EML6: variants seen among roughly 807,000 people sequenced by gnomAD.
EML6 encodes echinoderm microtubule-associated protein-like 6.
In EML6, 154 loss-of-function variants were observed where a neutral mutation model predicts 240.1. The observed-to-expected ratio is 0.64, with a 90% CI of 0.56 to 0.73. The LOEUF (loss-of-function observed/expected upper bound fraction) is 0.73, where lower values mean the gene tolerates loss of function less well. Ranked by LOEUF, EML6 falls within the 30% of genes least tolerant of loss-of-function variation. EML6 has a pLI of 0.00. For missense variants in EML6, 2,964 were observed against 2,474.6 expected (o/e 1.20, Z -4.20); for synonymous variants, 1,148 against 899.0 (o/e 1.28, Z -4.95).
intron 4 of EML6, among the ~76,000 whole-genome samples, chr2:54,818,051 ATC>A (rs1433474239): frequency 6.6e-6 from 1 of 152,132 alleles, no homozygotes; most frequent in African/African-American, 2.4e-5. Flanking sequence ...ATAATATTTT[ATC>A]TGAGTTACTC....
Position 54,950,728 on chromosome 2 carries a change from G to A in EML6, c.4162G>A (p.Asp1388Asn). 6.4e-7 allele frequency: 1 copy of A among 1,551,654 alleles called. No individual in the cohort carries two copies. The highest frequency in any genetic ancestry group is 8.7e-7 in the Non-Finnish European group (1 of 1,146,988). Residue 1388 changes from aspartate (D) to asparagine (N), a missense_variant, in exon 30 of 42, where the codon GAC becomes AAC. Transcript: ENST00000356458. The stretch of plus-strand genomic sequence containing the variant: ...CCTGCATTACCTTAATGATGGCGCT[G>A]ACATCATCTTCCACACAGCAGCGGC... ...NNLHYLNDGA[D>N]IIFHTAAAGI...
chr2:54,956,715 A>G (rs1676251228), intron 32 of EML6, among the ~76,000 whole-genome samples: 2 of 152,192 alleles, frequency 1.3e-5, no homozygotes, highest in African/African-American at 4.8e-5. Flanking sequence ...AAAACCCACC[A>G]CCATCATGGT....
intron 38 of EML6, among the ~76,000 whole-genome samples, chr2:54,965,787 G>A (rs955759420): frequency 6.6e-6 from 1 of 152,210 alleles, no homozygotes; most frequent in African/African-American, 2.4e-5. Flanking sequence ...GGAGCAGTTT[G>A]AGGGTCAGAA....
chr2:54,951,367 T>C (rs1291136856), intron 30 of EML6, among the ~76,000 whole-genome samples: 1 of 152,036 alleles, frequency 6.6e-6, no homozygotes, highest in African/African-American at 2.4e-5. Context: ...ACCCCATCTC[T>C]ACTAAAAATA....
In EML6 at chr2:54,892,464, C is replaced by T; in HGVS notation, c.2550C>T (p.Phe850=). 1 of 1,550,946 alleles carries T rather than the reference C, an allele frequency of 6.4e-7. No individual in the cohort carries two copies. ...CTTGGTCCACTCTAGGTGGGGGCTT[C>T]ACTTCTAAAAGAGGAACTTTTGGAA... ...IKFWQQAGGG[F]TSKRGTFGSV... Residue 850 remains phenylalanine, a synonymous_variant, in exon 19 of 42, where the codon TTC becomes TTT. Coordinates refer to ENST00000356458, the MANE Select transcript of EML6 (RefSeq NM_001039753.4).
intron 2 of EML6, among the ~76,000 whole-genome samples, chr2:54,778,790 G>T (rs1321734535): frequency 6.6e-6 from 1 of 151,012 alleles, no homozygotes; most frequent in South Asian, 2.1e-4. Flanking sequence ...TACTCGGGAG[G>T]CTGAGGCAGG....
At chr2:54,961,893 A>G (rs1021821387) in intron 35 of EML6, among the ~76,000 whole-genome samples, 3 of 151,466 alleles carry the variant, frequency 2.0e-5, no homozygotes, top group African/African-American at 7.3e-5. Flanking sequence ...AGTCCTAGCT[A>G]CTGGGGAGGC....
intron 17 of EML6, 113 bp from the exon 18 acceptor site, chr2:54,890,941 T>G (rs6729866): frequency 0.39 from 185,013 of 479,794 alleles, 37,785 homozygotes; most frequent in Middle Eastern, 0.5. Context: ...AACCATTTTC[T>G]AATTTAATGG....
chr2:54,925,122 G>A (rs1254123709), intron 26 of EML6, among the ~76,000 whole-genome samples: 1 of 152,082 alleles, frequency 6.6e-6, no homozygotes, highest in African/African-American at 2.4e-5. Flanking sequence ...TATAAGGGAG[G>A]GGCCCTAATC....
chr2:54,945,771 G>T (rs981282277), intron 28 of EML6, among the ~76,000 whole-genome samples: 1 of 152,230 alleles, frequency 6.6e-6, no homozygotes, highest in Non-Finnish European at 1.5e-5. Context: ...CCTGCCTTGC[G>T]GGTCTGTGCA....
intron 24 of EML6, among the ~76,000 whole-genome samples, chr2:54,906,859 G>A (rs992934852): frequency 4.6e-5 from 7 of 152,164 alleles, no homozygotes; most frequent in African/African-American, 1.2e-4. Context: ...TCACAGCAGG[G>A]GCCTCCAGAG....
At chr2:54,825,899 C>T (rs1471724892) in intron 5 of EML6, among the ~76,000 whole-genome samples, 1 of 152,214 alleles carries the variant, frequency 6.6e-6, no homozygotes, top group African/African-American at 2.4e-5. Context: ...TTTACTCCCA[C>T]ATGCCTGCCA....
intron 2 of EML6, among the ~76,000 whole-genome samples, chr2:54,794,537 C>A (rs1049691961): frequency 6.6e-5 from 10 of 152,064 alleles, no homozygotes; most frequent in Non-Finnish European, 1.2e-4. Flanking sequence ...CTTTCAGCAC[C>A]CCTCTGGCTT....
At chr2:54,821,601 A>G (rs536004144) in intron 5 of EML6, among the ~76,000 whole-genome samples, 1 of 152,272 alleles carries the variant, frequency 6.6e-6, no homozygotes, top group Admixed American at 6.5e-5. Context: ...GGGATAAAGA[A>G]TCATGAAGAG....
Position 54,725,354 on chromosome 2 carries a change from G to C in EML6, c.197+96G>C. On this transcript the variant is annotated intron_variant, in intron 2 of 41. Coordinates refer to ENST00000356458, the MANE Select transcript of EML6 (RefSeq NM_001039753.4). The surrounding 1 kb of genome is among the most constrained non-coding windows in gnomAD (Gnocchi z 4.3). ...TGGGGTCGGATCCGGGAGCCCCGTGGAATAGAGGATTCTCTCTGGAGCCGC... is the reference window on the plus strand; with the variant it reads ...TGGGGTCGGATCCGGGAGCCCCGTGCAATAGAGGATTCTCTCTGGAGCCGC... 1 of 915,686 alleles carries C rather than the reference G, an allele frequency of 1.1e-6. No homozygotes were observed. Among genetic ancestry groups the C allele is most frequent in the Middle Eastern group, 2.6e-4 (1 of 3,872 alleles). 56.7% of individuals were successfully genotyped at this position (915,686 alleles called of 1,614,324 possible). A position where few individuals can be genotyped will look rare whatever the true frequency, so the allele number is the denominator to read the frequency against.
chr2:54,869,457 G>A lies in EML6; in HGVS notation c.2238+90G>A, dbSNP rs937106879. The A allele has an allele frequency of 1.1e-5, 11 of 1,010,550 alleles. No homozygotes were observed. The South Asian group carries it at 1.9e-4, about 17-fold the overall frequency. The allele number at this position is 1,010,550 out of a possible 1,614,324, so 62.6% of individuals were successfully genotyped here. On this transcript the variant is annotated intron_variant, in intron 15 of 41. Transcript: ENST00000356458. ...ATATTAGAAATTCAAGAAATGCTTG[G>A]TAGAAATAAACATGAGATGGGAAGG...
intron 2 of EML6, among the ~76,000 whole-genome samples, chr2:54,727,447 G>A (rs1351286215): frequency 6.6e-6 from 1 of 152,224 alleles, no homozygotes; most frequent in Non-Finnish European, 1.5e-5. Context: ...GAATGTTTAT[G>A]CTGTTCTTTT....
chr2:54,780,425 T>C (rs1411194033), intron 2 of EML6, among the ~76,000 whole-genome samples: 1 of 152,168 alleles, frequency 6.6e-6, no homozygotes, highest in Non-Finnish European at 1.5e-5. Context: ...CCCAGAAATA[T>C]TTGACCTGAT....
chr2:54,893,030 T>A (rs1672559980), intron 19 of EML6, among the ~76,000 whole-genome samples: 1 of 152,170 alleles, frequency 6.6e-6, no homozygotes, highest in Non-Finnish European at 1.5e-5. Context: ...AAGTACCAAA[T>A]GGTTACATTA....
Sources: gnomAD v4.1 joint callset for allele counts (sites outside exome capture counted in the v4.1 genomes callset) on GRCh38, gnomAD v4.1.1 for gene constraint, Gnocchi (gnomAD v3.1) non-coding constraint, MANE v1.5 for transcripts, NCBI Gene and HGNC (gene_info 2026-07-23, HGNC 2026-07-21) for gene names.